LY9: variants seen among roughly 807,000 people sequenced by gnomAD.
The protein encoded by LY9 is T-lymphocyte surface antigen Ly-9.
In LY9, 59 loss-of-function variants were observed where a neutral mutation model predicts 64.6. The ratio of observed to expected loss-of-function variants is 0.91; its 90% CI spans 0.74 to 1.13. LY9 has a LOEUF of 1.13. Among genes scored for constraint, LY9 ranks in the 50% most tolerant of loss-of-function variants. The probability of loss-of-function intolerance (pLI) is 0.00; values close to 1 mark genes in which losing one functional copy is unlikely to be tolerated. For missense variants in LY9, 789 were observed against 797.2 expected, an observed-to-expected ratio of 0.99 and a Z score of 0.12; for synonymous variants, 281 against 308.5, an observed-to-expected ratio of 0.91 and a Z score of 0.93.
chr1:160,808,152 A>T (rs1436986759), intron 2 of LY9, among the ~76,000 whole-genome samples: 1 of 152,178 alleles, frequency 6.6e-6, no homozygotes, highest in Non-Finnish European at 1.5e-5. Context: ...CCAGCTTGCA[A>T]CCAAGTTGCA....
rs1667842248 is a variant in LY9 at position 160,815,109 on chromosome 1, G to A, written c.1072+348G>A. 2.7e-5 allele frequency: 6 copies of A among 223,872 alleles called. No individual in the cohort carries two copies. The South Asian group carries it at 6.0e-4, about 22-fold the overall frequency. 13.9% of individuals were successfully genotyped at this position (223,872 alleles called of 1,614,324 possible). On this transcript the variant is annotated intron_variant, in intron 4 of 9. Coordinates refer to ENST00000263285, the MANE Select transcript of LY9 (RefSeq NM_002348.4). ...TAATCCCGGTACTTTGGGAGGCTGAGGCAGGTGAATCACCTGAGGTCAGGA... is the reference window on the plus strand; with the variant it reads ...TAATCCCGGTACTTTGGGAGGCTGAAGCAGGTGAATCACCTGAGGTCAGGA...
intron 1 of LY9, among the ~76,000 whole-genome samples, chr1:160,797,811 ATAGT>A (rs1372740677): frequency 2.6e-5 from 4 of 152,148 alleles, no homozygotes; most frequent in Admixed American, 2.6e-4. Context: ...AGTGTAAAAT[ATAGT>A]TAGTAGGATG....
At position 160,801,564 on chromosome 1, in the gene LY9, C is replaced by T. The variant is rs186961730; in HGVS notation, c.454+1482C>T. Among the ~76,000 whole-genome samples, 15 of 152,104 alleles carry T rather than the reference C, an allele frequency of 9.9e-5. No individual in the cohort carries two copies. In the East Asian group the frequency reaches 2.9e-3, roughly 29 times the overall value. On this transcript the variant is annotated intron_variant, in intron 2 of 9. Coordinates refer to ENST00000263285, the MANE Select transcript of LY9 (RefSeq NM_002348.4). ...TGCAAAAGCTTGTTAGTTTAAATCC[C>T]GTTTGTCTATTTTTGTTTTTGTTAC...
At chr1:160,816,962 G>A (rs1432490679) in intron 5 of LY9, 99 bp downstream of exon 5, 3 of 1,229,920 alleles carry the variant, frequency 2.4e-6, no homozygotes, top group African/African-American at 1.5e-5. Context: ...AGAGGCTGTG[G>A]GTGAGAGCCC....
At chr1:160,802,116 C>T (rs960246112) in intron 2 of LY9, 17 of 1,377,008 alleles carry the variant, frequency 1.2e-5, no homozygotes, top group South Asian at 9.9e-5. Flanking sequence ...GAGCCGCCAA[C>T]TTGGAGACTC....
chr1:160,798,160 G>A (rs1172835111), intron 1 of LY9, among the ~76,000 whole-genome samples: 1 of 152,118 alleles, frequency 6.6e-6, no homozygotes. Flanking sequence ...GAGAGTCTGT[G>A]AGGCTTTTGT....
intron 3 of LY9, among the ~76,000 whole-genome samples, chr1:160,814,154 C>A (rs1667747048): frequency 6.6e-6 from 1 of 152,134 alleles, no homozygotes; most frequent in Middle Eastern, 3.2e-3. Context: ...ATACAGGAGT[C>A]CAGATTGGTC....
intron 7 of LY9, among the ~76,000 whole-genome samples, chr1:160,819,836 AAAGGAAGG>A (rs758315397): frequency 0.021 from 2,337 of 109,132 alleles, 112 homozygotes; most frequent in African/African-American, 0.056. Context: ...AGAGAGAAAG[AAAGGAAGG>A]AAGGAAGGAA....
Position 160,803,190 on chromosome 1 carries a change from G to C in LY9, c.454+3108G>C, listed in dbSNP as rs114590552. Among the ~76,000 whole-genome samples, 1,019 of 152,230 alleles carry C rather than the reference G, an allele frequency of 6.7e-3. 10 individuals carry two copies. The highest frequency in any genetic ancestry group is 0.023 in the African/African-American group (947 of 41,522). ...CCAGCTACTCGGAAGTCTGAGGCGG[G>C]AGAATCACTTTAATCTGGGAGGCAG... On this transcript the variant is annotated intron_variant, in intron 2 of 9. Coordinates refer to ENST00000263285, the MANE Select transcript of LY9 (RefSeq NM_002348.4).
intron 2 of LY9, chr1:160,812,966 T>A (rs2101794727): frequency 6.6e-6 from 1 of 152,458 alleles, no homozygotes; most frequent in East Asian, 1.9e-4. Flanking sequence ...GTGCCTGTAA[T>A]CCCAGCTACT....
At chr1:160,805,098 C>G (rs912105719) in intron 2 of LY9, among the ~76,000 whole-genome samples, 1 of 151,964 alleles carries the variant, frequency 6.6e-6, no homozygotes, top group Non-Finnish European at 1.5e-5. Flanking sequence ...CCTACTTCAT[C>G]GAGTTTTGCT....
Position 160,813,852 on chromosome 1 carries a change from C to T in LY9, c.671C>T (p.Ala224Val). Reference protein sequence around the residue: ...CDPDLPYICTAQNPVSQRSSL... With the variant: ...CDPDLPYICTVQNPVSQRSSL... ...CCAGACCTGCCATACATCTGCACAG[C>T]CCAGAACCCCGTCAGCCAGAGAAGC... Residue 224 changes from alanine to valine, a missense_variant, in exon 3 of 10, where the codon GCC (alanine) becomes GTC (valine). Physicochemically the swap from Ala to Val is moderately conservative, Grantham distance 64 (BLOSUM62 0). Transcript: ENST00000263285. 6.2e-7 allele frequency: 1 copy of T among 1,614,202 alleles called. No individual in the cohort carries two copies. Among genetic ancestry groups the T allele is most frequent in the Non-Finnish European group, 8.5e-7 (1 of 1,180,040 alleles).
chr1:160,809,214 C>T (rs1002754138), intron 2 of LY9, among the ~76,000 whole-genome samples: 1 of 150,494 alleles, frequency 6.6e-6, no homozygotes, highest in South Asian at 2.1e-4. Context: ...GAGACATCAT[C>T]CCACTACATC....
At chr1:160,821,149 G>A (rs1055502302) in intron 7 of LY9, among the ~76,000 whole-genome samples, 3 of 6,330 alleles carry the variant, frequency 4.7e-4, no homozygotes, top group African/African-American at 2.3e-3. Context: ...GTGAAACTTT[G>A]CTAAAAAAAA....
At chr1:160,797,135 C>T (rs3904492) in intron 1 of LY9, 318,448 of 985,040 alleles carry the variant, frequency 0.32, 53,718 homozygotes, top group Admixed American at 0.44. Flanking sequence ...AACATCTCTC[C>T]GCTGCATGGC....
At chr1:160,818,146 T>C (rs1019282240) in intron 5 of LY9, 72 bp from the exon 6 acceptor site, 1 of 955,540 alleles carries the variant, frequency 1.0e-6, no homozygotes, top group Non-Finnish European at 1.7e-6. Context: ...ATGGCCATCA[T>C]GTTCTGTGCA....
intron 2 of LY9, chr1:160,800,291 T>C: frequency 1.8e-6 from 1 of 549,370 alleles, no homozygotes; most frequent in Non-Finnish European, 3.2e-6. Flanking sequence ...TTCTCTATCT[T>C]ACTGTATGTT....
intron 2 of LY9, among the ~76,000 whole-genome samples, chr1:160,803,954 G>A (rs978590231): frequency 1.6e-4 from 25 of 152,080 alleles, no homozygotes; most frequent in African/African-American, 5.8e-4. Flanking sequence ...AGGCTGCAGT[G>A]AGTCATGACT....
At chr1:160,809,028 G>T (rs1267775957) in intron 2 of LY9, among the ~76,000 whole-genome samples, 1 of 151,894 alleles carries the variant, frequency 6.6e-6, no homozygotes, top group Non-Finnish European at 1.5e-5. Context: ...TATTGTTTCT[G>T]CTTATAGAAA....
Sources: gnomAD v4.1 joint callset for allele counts (sites outside exome capture counted in the v4.1 genomes callset) on GRCh38, gnomAD v4.1.1 for gene constraint, MANE v1.5 for transcripts, NCBI Gene and HGNC (gene_info 2026-07-23, HGNC 2026-07-21) for gene names.